SBF2: variants seen among roughly 807,000 people sequenced by gnomAD.
SBF2 encodes SET binding factor 2.
Under a neutral mutation model 225.2 loss-of-function variants are expected in SBF2, and 112 were observed. That is an observed-to-expected ratio of 0.50 (90% CI 0.43 to 0.58). SBF2 has a LOEUF of 0.58. Among genes scored for constraint, SBF2 ranks in the 20% least tolerant of loss-of-function variants. SBF2 has a pLI of 0.00. For missense variants in SBF2, 1,996 were observed against 2,206.2 expected, an observed-to-expected ratio of 0.90 and a Z score of 1.91; for synonymous variants, 763 against 773.3, an observed-to-expected ratio of 0.99 and a Z score of 0.22.
chr11:10,181,501 A>T (rs570923954), intron 2 of SBF2, among the ~76,000 whole-genome samples: 111 of 152,226 alleles, frequency 7.3e-4, no homozygotes, highest in Middle Eastern at 3.4e-3. Flanking sequence ...TTTTGGCCAG[A>T]CTTAAAGTAT....
At chr11:10,089,742 T>G (rs1341281835) in intron 2 of SBF2, among the ~76,000 whole-genome samples, 1 of 152,022 alleles carries the variant, frequency 6.6e-6, no homozygotes, top group African/African-American at 2.4e-5. Context: ...TCCACAAGCC[T>G]GGTCCACAAG....
rs571435373 is a variant in SBF2, at chr11:9,920,043, A to T, written c.1861-24032T>A. Among the ~76,000 whole-genome samples the T allele has an allele frequency of 4.4e-3, 665 of 151,868 alleles. 3 individuals are homozygous for T. Among genetic ancestry groups the T allele is most frequent in the Middle Eastern group, 6.8e-3 (2 of 294 alleles). On this transcript the variant is annotated intron_variant, in intron 16 of 39. Coordinates refer to ENST00000256190, the MANE Select transcript of SBF2 (RefSeq NM_030962.4). ...CACCATGCCCGGCCTCTTCTTTTTT[A>T]AAAAAAACTTACTTATTTCTTATCT...
At chr11:9,945,167 G>C (rs1353784137) in intron 16 of SBF2, among the ~76,000 whole-genome samples, 1 of 152,090 alleles carries the variant, frequency 6.6e-6, no homozygotes, top group Non-Finnish European at 1.5e-5. Context: ...AACAAAGCCG[G>C]AGGCATCACA....
chr11:10,149,091 C>G (rs1405598621), intron 2 of SBF2: 1 of 152,248 alleles, frequency 6.6e-6, no homozygotes, highest in Non-Finnish European at 1.5e-5. Context: ...AGCTTCCAGT[C>G]AGATCCAAAT....
chr11:9,935,557 T>C (rs1454862533), intron 16 of SBF2, among the ~76,000 whole-genome samples: 1 of 152,162 alleles, frequency 6.6e-6, no homozygotes. Context: ...CTTCAAACTA[T>C]ACTACAAGGC....
At chr11:9,881,661 C>T (rs1859769932) in intron 17 of SBF2, among the ~76,000 whole-genome samples, 1 of 152,042 alleles carries the variant, frequency 6.6e-6, no homozygotes, top group Admixed American at 6.6e-5. Context: ...GTCATGTCAG[C>T]TTCAGCTAGC....
intron 16 of SBF2, among the ~76,000 whole-genome samples, chr11:9,922,707 C>T (rs935942274): frequency 2.6e-5 from 4 of 152,164 alleles, no homozygotes; most frequent in Non-Finnish European, 1.5e-5. Context: ...TGTAACTGAG[C>T]ACCCCCATTT....
At chr11:9,817,047 G>A (rs1411968220) in intron 28 of SBF2, 23 bp from the exon 29 acceptor site, 2 of 1,613,458 alleles carry the variant, frequency 1.2e-6, no homozygotes, top group African/African-American at 1.3e-5. Flanking sequence ...CAAAGTCGTG[G>A]AGTGAGATAA....
intron 1 of SBF2, among the ~76,000 whole-genome samples, chr11:10,254,997 G>A (rs1036254050): frequency 7.4e-6 from 1 of 134,998 alleles, no homozygotes; most frequent in Admixed American, 7.6e-5. Context: ...AATTAAATAA[G>A]CCAAGAAGAG....
At chr11:10,075,001 C>T (rs1362550829) in intron 2 of SBF2, among the ~76,000 whole-genome samples, 1 of 152,126 alleles carries the variant, frequency 6.6e-6, no homozygotes, top group African/African-American at 2.4e-5. Flanking sequence ...TTAAAGCTGT[C>T]AAACAATGGA....
chr11:9,884,065 A>G (rs768670381), intron 17 of SBF2, among the ~76,000 whole-genome samples: 3 of 152,126 alleles, frequency 2.0e-5, no homozygotes, highest in African/African-American at 7.2e-5. Flanking sequence ...TCAGCCCCAG[A>G]GATTTTGTTT....
chr11:9,999,901 T>C (rs1360824128), intron 8 of SBF2, among the ~76,000 whole-genome samples: 2 of 152,236 alleles, frequency 1.3e-5, no homozygotes, highest in Admixed American at 1.3e-4. Flanking sequence ...ACTTCTTTGC[T>C]GGCATTTAAA....
chr11:9,998,134 T>C (rs1218359525), intron 9 of SBF2, 132 bp downstream of exon 9: 1 of 640,246 alleles, frequency 1.6e-6, no homozygotes. Flanking sequence ...TATGAGATTA[T>C]GTTCATGTTT....
chr11:10,043,112 T>A, intron 2 of SBF2, 131 bp from the exon 3 acceptor site: 1 of 870,022 alleles, frequency 1.1e-6, no homozygotes, highest in Admixed American at 2.6e-5. Context: ...AAAGCCAACA[T>A]TTAAAAAAAA....
At chr11:10,120,389 G>A (rs752669180) in intron 2 of SBF2, among the ~76,000 whole-genome samples, 1 of 152,154 alleles carries the variant, frequency 6.6e-6, no homozygotes, top group Non-Finnish European at 1.5e-5. Context: ...CAATGAATAT[G>A]GGTGTGCAAA....
chr11:10,093,021 C>CTTTTT (rs35286829), intron 2 of SBF2, among the ~76,000 whole-genome samples: 1 of 145,376 alleles, frequency 6.9e-6, no homozygotes, highest in Non-Finnish European at 1.5e-5. Flanking sequence ...TTCCTTCTTT[C>CTTTTT]TTTTTTTTTT....
At chr11:10,070,727 T>C (rs915530063) in intron 2 of SBF2, among the ~76,000 whole-genome samples, 7 of 152,246 alleles carry the variant, frequency 4.6e-5, no homozygotes, top group Non-Finnish European at 1.0e-4. Flanking sequence ...GGGGATGGAA[T>C]TGAATCTATA....
Position 9,866,916 on chromosome 11 carries a change from A to G in SBF2, c.1930-8520T>C, listed in dbSNP as rs1433818943. ...CAAACAAACAAAAAAAGGGCAAATG[A>G]TTGAGCAGACATTTCTTAAAAGAAG... On this transcript the variant is annotated intron_variant, in intron 17 of 39. Coordinates refer to ENST00000256190, the MANE Select transcript of SBF2 (RefSeq NM_030962.4). Among the ~76,000 whole-genome samples the G allele has an allele frequency of 2.0e-5, 3 of 152,192 alleles. No homozygotes were observed. The East Asian group carries it at 5.8e-4, about 29-fold the overall frequency.
At chr11:10,160,129 T>C (rs540711990) in intron 2 of SBF2, among the ~76,000 whole-genome samples, 1 of 152,236 alleles carries the variant, frequency 6.6e-6, no homozygotes, top group South Asian at 2.1e-4. Flanking sequence ...AAAAATATCT[T>C]TGCAGATGAC....
Sources: gnomAD v4.1 joint callset for allele counts (sites outside exome capture counted in the v4.1 genomes callset) on GRCh38, gnomAD v4.1.1 for gene constraint, MANE v1.5 for transcripts, NCBI Gene and HGNC (gene_info 2026-07-23, HGNC 2026-07-21) for gene names.